BCAT1: variants seen among roughly 807,000 people sequenced by gnomAD.
The protein encoded by BCAT1 is branched-chain-amino-acid aminotransferase, cytosolic.
BCAT1 carries 48 observed loss-of-function variants against 52.4 expected under a neutral mutation model. The ratio of observed to expected loss-of-function variants is 0.92; its 90% confidence interval spans 0.73 to 1.16. The LOEUF (loss-of-function observed/expected upper bound fraction) is 1.16, where lower values mean the gene tolerates loss of function less well. Ranked by LOEUF, BCAT1 falls within the 50% of genes most tolerant of loss-of-function variation. The probability of loss-of-function intolerance (pLI) is 0.00; values close to 1 mark genes in which losing one functional copy is unlikely to be tolerated. For missense variants in BCAT1, 451 were observed against 457.1 expected (o/e 0.99, Z 0.12); for synonymous variants, 167 against 161.3 (o/e 1.04, Z -0.27).
chr12:24,889,722 G>A (rs1233465619), intron 3 of BCAT1, among the ~76,000 whole-genome samples: 4 of 152,172 alleles, frequency 2.6e-5, no homozygotes, highest in Admixed American at 2.6e-4. Context: ...GGGCTGGGTG[G>A]CTCATGCCTG....
intron 4 of BCAT1, among the ~76,000 whole-genome samples, chr12:24,880,195 T>A (rs1942453066): frequency 6.6e-6 from 1 of 152,154 alleles, no homozygotes; most frequent in African/African-American, 2.4e-5. Context: ...ATGCCTGTAA[T>A]CCCAGAACTT....
intron 1 of BCAT1, among the ~76,000 whole-genome samples, chr12:24,944,163 G>A (rs971771272): frequency 1.3e-5 from 2 of 152,128 alleles, no homozygotes; most frequent in Admixed American, 6.5e-5. Context: ...CCTGAGTCAT[G>A]TATTATGCTT....
At chr12:24,943,227 C>T (rs961408512) in intron 1 of BCAT1, among the ~76,000 whole-genome samples, 8 of 152,184 alleles carry the variant, frequency 5.3e-5, no homozygotes, top group Admixed American at 2.6e-4. Context: ...AGTGCAGTGA[C>T]GGATGCCTGT....
intron 6 of BCAT1, among the ~76,000 whole-genome samples, chr12:24,848,296 C>A (rs940914901): frequency 1.2e-4 from 18 of 152,124 alleles, no homozygotes; most frequent in Admixed American, 1.1e-3. Flanking sequence ...TTCCCGAACA[C>A]CCTCTCAGTT....
intron 1 of BCAT1, among the ~76,000 whole-genome samples, chr12:24,933,366 CT>C (rs1438920362): frequency 1.3e-5 from 2 of 152,114 alleles, no homozygotes; most frequent in Non-Finnish European, 2.9e-5. Flanking sequence ...AGTTTAATAA[CT>C]TGCTGGTGGT....
chr12:24,871,015 T>C (rs1004535578), intron 5 of BCAT1, among the ~76,000 whole-genome samples: 1 of 151,746 alleles, frequency 6.6e-6, no homozygotes, highest in Admixed American at 6.6e-5. Context: ...AGAGCAAGAC[T>C]CTGTCTCAAA....
intron 3 of BCAT1, among the ~76,000 whole-genome samples, chr12:24,892,438 AT>A (rs577054741): frequency 1.8e-3 from 273 of 152,324 alleles, no homozygotes; most frequent in African/African-American, 6.3e-3. Flanking sequence ...GAGCGACAAA[AT>A]TAACATGATC....
chr12:24,929,667 CTT>C (rs1943650035), intron 1 of BCAT1, among the ~76,000 whole-genome samples: 1 of 152,148 alleles, frequency 6.6e-6, no homozygotes, highest in Non-Finnish European at 1.5e-5. Flanking sequence ...ACCTGAGAGA[CTT>C]TTTATCTGCA....
In BCAT1 at chr12:24,817,487, C is replaced by T. The variant is rs566172013; in HGVS notation, c.*521G>A. The T allele has an allele frequency of 3.9e-4, 61 of 156,430 alleles. No individual in the cohort carries two copies. The South Asian group carries it at 0.01, about 26-fold the overall frequency. The allele number at this position is 156,430 out of a possible 1,614,324, so 9.7% of individuals were successfully genotyped here. On this transcript the variant is annotated 3_prime_UTR_variant, in exon 11 of 11. Transcript: ENST00000261192. ...AAGAAAACAGATATTTACCTTAACA[C>T]GGACTTGGAGGACCTTCAAAAAACA...
chr12:24,921,378 C>A (rs1943498694), intron 1 of BCAT1, among the ~76,000 whole-genome samples: 1 of 152,186 alleles, frequency 6.6e-6, no homozygotes, highest in Non-Finnish European at 1.5e-5. Context: ...GAGCAGCATA[C>A]AGGAAAACCA....
In BCAT1 at chr12:24,849,872, A is replaced by C. The variant is rs748673218; in HGVS notation, c.588T>G (p.Ser196Arg). ...LLSPVGPYFS[S>R]GTFNPVSLWA... ...ACAGGGACACTGGATTAAAGGTTCCACTTGAAAAATAAGGTCCCACTGGGC... is the reference window on the plus strand; with the variant it reads ...ACAGGGACACTGGATTAAAGGTTCCCCTTGAAAAATAAGGTCCCACTGGGC... The change falls in exon 6 of 11, where the codon AGT becomes AGG. Residue 196 changes from serine (S) to arginine (R), a missense_variant. By Grantham distance (110) the Ser-to-Arg change is moderately radical (BLOSUM62 -1). Coordinates refer to ENST00000261192, the MANE Select transcript of BCAT1 (RefSeq NM_005504.7). The C allele has an allele frequency of 1.2e-6, 2 of 1,613,868 alleles. No individual in the cohort carries two copies. The highest frequency in any genetic ancestry group is 8.5e-7 in the Non-Finnish European group (1 of 1,179,820).
intron 7 of BCAT1, among the ~76,000 whole-genome samples, chr12:24,837,146 A>AAGGAAGGAAGGAAGGAAGGGAGGG (rs66475442): frequency 1.1e-5 from 1 of 91,930 alleles, no homozygotes; most frequent in Non-Finnish European, 2.6e-5. Context: ...GGAAGGAAGG[A>AAGGAAGGAAGGAAGGAAGGGAGGG]AAGTTATCTA....
At chr12:24,902,405 A>G (rs1183317512) in intron 1 of BCAT1, 2 of 1,076,468 alleles carry the variant, frequency 1.9e-6, no homozygotes, top group Admixed American at 4.8e-5. Context: ...CTTAAACCTC[A>G]TGGTATTAGT....
At chr12:24,881,914 C>A (rs1942512598) in intron 3 of BCAT1, among the ~76,000 whole-genome samples, 1 of 152,136 alleles carries the variant, frequency 6.6e-6, no homozygotes, top group Admixed American at 6.6e-5. Flanking sequence ...CAGCTCAAGA[C>A]CATACTATGT....
chr12:24,942,822 G>C (rs1038576303), intron 1 of BCAT1, among the ~76,000 whole-genome samples: 1 of 152,316 alleles, frequency 6.6e-6, no homozygotes, highest in African/African-American at 2.4e-5. Context: ...GGTGCATATG[G>C]TATGAACCGA....
At chr12:24,887,489 T>G (rs754917340) in intron 3 of BCAT1, among the ~76,000 whole-genome samples, 5 of 150,948 alleles carry the variant, frequency 3.3e-5, no homozygotes, top group African/African-American at 9.8e-5. Flanking sequence ...GAGGCAAAAC[T>G]ATAGTGTTAA....
rs749823463 is a variant in BCAT1 at position 24,894,512 on chromosome 12, T to G, written c.79-37A>C. 13 of 1,514,658 alleles carry G rather than the reference T, an allele frequency of 8.6e-6. No individual in the cohort carries two copies. The South Asian group carries it at 1.6e-4, about 18-fold the overall frequency. The allele number at this position is 1,514,658 out of a possible 1,614,324, so 93.8% of individuals were successfully genotyped here. The stretch of plus-strand genomic sequence containing the variant: ...AAATCATCACTATTTACAGAAAAGC[T>G]ACTGAGCATTCGCTGGCTAGATTAT... On this transcript the variant is annotated intron_variant, in intron 2 of 10. Transcript: ENST00000261192.
chr12:24,829,728 T>C (rs1940567626), intron 10 of BCAT1, 95 bp downstream of exon 10: 1 of 1,015,078 alleles, frequency 9.9e-7, no homozygotes, highest in Admixed American at 2.9e-5. Flanking sequence ...TCCTCTTCAT[T>C]GAAATATAAT....
chr12:24,864,494 T>A (rs73079570), intron 5 of BCAT1, among the ~76,000 whole-genome samples: 16,281 of 152,214 alleles, frequency 0.11, 1,042 homozygotes, highest in East Asian at 0.17. Context: ...GGGGGTTGGA[T>A]GCTGCTCTAC....
Sources: gnomAD v4.1 joint callset for allele counts (sites outside exome capture counted in the v4.1 genomes callset) on GRCh38, gnomAD v4.1.1 for gene constraint, MANE v1.5 for transcripts, NCBI Gene and HGNC (gene_info 2026-07-23, HGNC 2026-07-21) for gene names.